The following REN variants were observed in gnomAD, a reference collection of about 807,000 sequenced individuals.
REN encodes the protein renin.
Under a neutral mutation model 48.6 loss-of-function variants are expected in REN, and 42 were observed. The ratio of observed to expected loss-of-function variants is 0.86; its 90% CI spans 0.68 to 1.12. The LOEUF is 1.12. Ranked by LOEUF, REN falls within the 50% of genes most tolerant of loss-of-function variation. REN has a pLI of 0.00. For missense variants in REN, 443 were observed against 527.3 expected (o/e 0.84, Z 1.57); for synonymous variants, 196 against 204.6 (o/e 0.96, Z 0.36).
chr1:204,156,033 C>T lies in REN; in HGVS notation c.961-115G>A, dbSNP rs543062768. On this transcript the variant is annotated intron_variant, in intron 8 of 9. Coordinates refer to ENST00000272190, the MANE Select transcript of REN (RefSeq NM_000537.4). This position sits in a 1 kb window ranked among gnomAD's most constrained non-coding sequence, Gnocchi z 4.2. ...GGAGAGGGCTGGGGACAGTGCCCCG[C>T]CCCATGGGTGACCAGCCACATGTGT... The T allele has an allele frequency of 6.7e-5, 97 of 1,454,400 alleles. No homozygotes were observed. In the East Asian group the frequency reaches 2.1e-3, roughly 32 times the overall value. 90.1% of individuals were successfully genotyped at this position (1,454,400 alleles called of 1,614,324 possible). A position where few individuals can be genotyped will look rare whatever the true frequency, so the allele number is the denominator to read the frequency against.
chr1:204,155,815 C>G lies in REN; in HGVS notation c.1059+5G>C. ...TGCCACCGAGGGGGCCGACTCGAAC[C>G]TCACCTGAAATACATAGTCCGCGCT... On this transcript the variant is annotated splice_donor_5th_base_variant and intron_variant, in intron 9 of 9. Coordinates refer to ENST00000272190, the MANE Select transcript of REN (RefSeq NM_000537.4). The G allele has an allele frequency of 6.2e-7, 1 of 1,612,608 alleles. No homozygotes were observed. Among genetic ancestry groups the G allele is most frequent in the Non-Finnish European group, 8.5e-7 (1 of 1,179,104 alleles).
Position 204,160,443 on chromosome 1 carries a change from C to T in REN, c.492+117G>A, listed in dbSNP as rs559721092. On this transcript the variant is annotated intron_variant, in intron 4 of 9. Transcript: ENST00000272190. ...TGGCAGAGTAGGGTGTTCCTCAGCT[C>T]CCCAGGCTCCAAGTGGGCTGCAGTG... 922 of 774,556 alleles carry T rather than the reference C, an allele frequency of 1.2e-3. 2 individuals are homozygous for T. The highest frequency in any genetic ancestry group is 1.7e-3 in the South Asian group (119 of 71,380). 48.0% of individuals were successfully genotyped at this position (774,556 alleles called of 1,614,324 possible).
At chr1:204,159,680 C>A in intron 4 of REN, 85 bp from the exon 5 acceptor site, 1 of 1,128,198 alleles carries the variant, frequency 8.9e-7, no homozygotes, top group South Asian at 1.3e-5. Flanking sequence ...CTAGGGATCC[C>A]AGGGGCACAC....
chr1:204,159,728 C>T (rs1658210715), intron 4 of REN, 133 bp from the exon 5 acceptor site: 8 of 736,116 alleles, frequency 1.1e-5, no homozygotes, highest in South Asian at 9.1e-5. Flanking sequence ...AGAGTATTTC[C>T]TCAACCCTGC....
At position 204,156,382 on chromosome 1, in the gene REN, C is replaced by A. The variant is rs1394874360; in HGVS notation, c.819-63G>T. The A allele has an allele frequency of 7.6e-6, 11 of 1,442,638 alleles. No individual in the cohort carries two copies. The South Asian group carries it at 1.3e-4, about 17-fold the overall frequency. 89.4% of individuals were successfully genotyped at this position (1,442,638 alleles called of 1,614,324 possible). A position where few individuals can be genotyped will look rare whatever the true frequency, so the allele number is the denominator to read the frequency against. ...CAGACAGAAGGCTGATGGGGCACCT[C>A]CAGGCTGCATGTCCTTCCTGAGTGT... On this transcript the variant is annotated intron_variant, in intron 7 of 9. Transcript: ENST00000272190. The surrounding 1 kb of genome is among the most constrained non-coding windows in gnomAD (Gnocchi z 4.2).
At chr1:204,161,964 T>C (rs771807204) in intron 2 of REN, 49 bp downstream of exon 2, 3 of 1,608,532 alleles carry the variant, frequency 1.9e-6, no homozygotes, top group Non-Finnish European at 2.6e-6. Flanking sequence ...CCTAGGTCCA[T>C]GAGGGAAAGG....
At chr1:204,157,340 G>A (rs1658168185) in intron 6 of REN, 21 bp downstream of exon 6, 4 of 1,614,238 alleles carry the variant, frequency 2.5e-6, no homozygotes, top group Non-Finnish European at 3.4e-6. Flanking sequence ...TCACAGCCAT[G>A]TGGGGGTTTT....
chr1:204,157,501 ACTTG>A, intron 5 of REN, 132 bp from the exon 6 acceptor site: 2 of 1,313,256 alleles, frequency 1.5e-6, no homozygotes, highest in South Asian at 2.4e-5. Context: ...AGGCGAAGTC[ACTTG>A]CCTGAAGTTA....
At chr1:204,159,276 G>C in intron 5 of REN, 123 bp downstream of exon 5, 1 of 823,724 alleles carries the variant, frequency 1.2e-6, no homozygotes, top group Middle Eastern at 2.2e-4. Context: ...TACAGCTCTA[G>C]ATATTGATTG....
intron 5 of REN, among the ~76,000 whole-genome samples, chr1:204,158,678 G>C (rs566360116): frequency 3.3e-5 from 5 of 152,266 alleles, no homozygotes; most frequent in African/African-American, 1.2e-4. Flanking sequence ...CTTCCCCAAG[G>C]CTGGCTGAGC....
chr1:204,160,223 C>T (rs1411977587), intron 4 of REN, among the ~76,000 whole-genome samples: 2 of 152,196 alleles, frequency 1.3e-5, no homozygotes, highest in African/African-American at 2.4e-5. Flanking sequence ...TGACTCTGAC[C>T]CTGGATTTCA....
In REN at chr1:204,157,383, GAGAC is replaced by G. The variant is rs1235608477; in HGVS notation, c.690-18_690-15del. 8.7e-6 allele frequency: 14 copies of G among 1,614,158 alleles called. No individual in the cohort carries two copies. Among genetic ancestry groups the G allele is most frequent in the Non-Finnish European group, 1.2e-5 (14 of 1,180,056 alleles). ...TACTCGGAATCTCTGCAGAGAAAGA[GAGAC>G]AGCAGAAAGGAAGCTTCATTTCATG... On this transcript the variant is annotated splice_polypyrimidine_tract_variant and intron_variant, in intron 5 of 9. Transcript: ENST00000272190.
At chr1:204,162,950 C>T (rs1389079352) in intron 1 of REN, among the ~76,000 whole-genome samples, 3 of 152,240 alleles carry the variant, frequency 2.0e-5, no homozygotes, top group Non-Finnish European at 2.9e-5. Context: ...AACAAGCTAG[C>T]TGTCATCCAT....
chr1:204,161,434 AG>A lies in REN; in HGVS notation c.250-20del. ...ACTGGGTCTGTGGGGGTAAAAAGAG[AG>A]GGCTGGAGGGGCTCAGGGGACCTTG... is the stretch of plus-strand genomic sequence containing the variant. On this transcript the variant is annotated intron_variant, in intron 2 of 9. Coordinates refer to ENST00000272190, the MANE Select transcript of REN (RefSeq NM_000537.4). The A allele has an allele frequency of 6.7e-7, 1 of 1,489,050 alleles. No homozygotes were observed. Among genetic ancestry groups the A allele is most frequent in the Non-Finnish European group, 9.0e-7 (1 of 1,113,012 alleles). 92.2% of individuals were successfully genotyped at this position (1,489,050 alleles called of 1,614,324 possible).
intron 1 of REN, among the ~76,000 whole-genome samples, chr1:204,163,467 G>A (rs1183913265): frequency 6.6e-6 from 1 of 152,242 alleles, no homozygotes; most frequent in African/African-American, 2.4e-5. Context: ...TGGGAACGTG[G>A]AGGGTCAGAG....
In REN at chr1:204,161,498, G is replaced by A. The variant is rs571020077; in HGVS notation, c.250-83C>T. ...TTGCCTGGCTTCACTCTTGGCTCTC[G>A]GTGTGAGACTTGGCCCAGGCGAGGT... is the stretch of plus-strand genomic sequence containing the variant. On this transcript the variant is annotated intron_variant, in intron 2 of 9. Transcript: ENST00000272190. 2,144 of 1,314,754 alleles carry A rather than the reference G, an allele frequency of 1.6e-3. 2 individuals carry two copies. The highest frequency in any genetic ancestry group is 2.1e-3 in the Non-Finnish European group (2,070 of 1,006,098). The allele number at this position is 1,314,754 out of a possible 1,614,324, so 81.4% of individuals were successfully genotyped here. A position where few individuals can be genotyped will look rare whatever the true frequency, so the allele number is the denominator to read the frequency against.
At position 204,156,058 on chromosome 1, in the gene REN, T is replaced by G; in HGVS notation, c.960+120A>C. 4.0e-6 allele frequency: 6 copies of G among 1,503,562 alleles called. No individual in the cohort carries two copies. The highest frequency in any genetic ancestry group is 4.6e-6 in the Non-Finnish European group (5 of 1,081,984). 93.1% of individuals were successfully genotyped at this position (1,503,562 alleles called of 1,614,324 possible). On this transcript the variant is annotated intron_variant, in intron 8 of 9. Coordinates refer to ENST00000272190, the MANE Select transcript of REN (RefSeq NM_000537.4). This position sits in a 1 kb window ranked among gnomAD's most constrained non-coding sequence, Gnocchi z 4.2. ...CCCCATGGGTGACCAGCCACATGTG[T>G]GGAGAGTGTGAGGTGAACAAGCGAA... is the stretch of plus-strand genomic sequence containing the variant.
chr1:204,162,939 C>T (rs11571104), intron 1 of REN, among the ~76,000 whole-genome samples: 258 of 152,326 alleles, frequency 1.7e-3, no homozygotes, highest in African/African-American at 6.1e-3. Flanking sequence ...GAAATCACAC[C>T]AACAAGCTAG....
intron 5 of REN, 134 bp from the exon 6 acceptor site, chr1:204,157,503 T>C: frequency 2.4e-6 from 3 of 1,254,608 alleles, no homozygotes; most frequent in Non-Finnish European, 3.5e-6. Context: ...GCGAAGTCAC[T>C]TGCCTGAAGT....
Sources: allele counts gnomAD v4.1 joint callset (sites outside exome capture counted in the v4.1 genomes callset), GRCh38; gene constraint gnomAD v4.1.1; non-coding constraint Gnocchi (gnomAD v3.1); transcripts MANE v1.5; gene names NCBI Gene and HGNC (gene_info 2026-07-23, HGNC 2026-07-21).